Variants in NRCAM observed in about 807,000 individuals in gnomAD.
NRCAM encodes neuronal cell adhesion molecule.
Under a neutral mutation model 156.5 loss-of-function variants are expected in NRCAM, and 83 were observed. The ratio of observed to expected loss-of-function variants is 0.53; its 90% CI spans 0.44 to 0.64. The LOEUF (loss-of-function observed/expected upper bound fraction) is 0.64, where lower values mean the gene tolerates loss of function less well. Among genes scored for constraint, NRCAM ranks in the 30% least tolerant of loss-of-function variants. The pLI, the probability that NRCAM is intolerant of heterozygous loss-of-function variation, is 0.00. For missense variants in NRCAM, 1,417 were observed against 1,597.3 expected, an observed-to-expected ratio of 0.89 and a Z score of 1.92; for synonymous variants, 538 against 563.9, an observed-to-expected ratio of 0.95 and a Z score of 0.65.
At chr7:108,232,235 T>C in intron 7 of NRCAM, 91 bp downstream of exon 7, 2 of 928,814 alleles carry the variant, frequency 2.2e-6, no homozygotes, top group Non-Finnish European at 3.2e-6. Context: ...TGCCACTGCT[T>C]TGTTGAATAG....
chr7:108,305,995 T>C (rs1007152488), intron 3 of NRCAM, among the ~76,000 whole-genome samples: 1 of 152,190 alleles, frequency 6.6e-6, no homozygotes, highest in African/African-American at 2.4e-5. Flanking sequence ...TAATTCAATA[T>C]TTTCCATTTT....
chr7:108,356,160 G>C (rs2099494992), intron 2 of NRCAM, among the ~76,000 whole-genome samples: 2 of 152,112 alleles, frequency 1.3e-5, no homozygotes, highest in Admixed American at 6.5e-5. Flanking sequence ...TAGTGGCCAG[G>C]CTGGTCTCGA....
rs774089913 is a variant in NRCAM, at chr7:108,182,905, C to T, written c.2320G>A (p.Glu774Lys). The part of the protein sequence containing the change: ...VITWKPLNGF[E>K]SNGPGLQYKV... ...TACTGAAGGCCTGGCCCATTAGATT[C>T]GAAACCATTCAAGGGCTACAAGGAA... is the stretch of plus-strand genomic sequence containing the variant. Residue 774 changes from glutamate (E) to lysine (K), a missense_variant, in exon 23 of 33, where the codon GAA (glutamate) becomes AAA (lysine). Physicochemically the swap from Glu to Lys is moderately conservative, Grantham distance 56. Around this residue, in one of 2 missense-constraint regions of NRCAM, gnomAD observed 1,238 missense variants for 1,336.4 expected, o/e 0.93. Coordinates refer to ENST00000379028, the MANE Select transcript of NRCAM (RefSeq NM_001037132.4). 8.7e-6 allele frequency: 14 copies of T among 1,614,136 alleles called. No homozygotes were observed. Among genetic ancestry groups the T allele is most frequent in the Admixed American group, 1.7e-5 (1 of 60,022 alleles).
At chr7:108,421,301 T>A (rs569973122) in intron 1 of NRCAM, among the ~76,000 whole-genome samples, 1 of 152,188 alleles carries the variant, frequency 6.6e-6, no homozygotes, top group Non-Finnish European at 1.5e-5. Flanking sequence ...TTTAGCTAAT[T>A]TGCAAAAACT....
At chr7:108,381,549 A>ATTTTTTT (rs34858873) in intron 2 of NRCAM, among the ~76,000 whole-genome samples, 1 of 134,160 alleles carries the variant, frequency 7.5e-6, no homozygotes. Context: ...GGCTTTGACC[A>ATTTTTTT]TTTTTTTTTT....
At chr7:108,440,392 T>C (rs2154480430) in intron 1 of NRCAM, among the ~76,000 whole-genome samples, 1 of 152,268 alleles carries the variant, frequency 6.6e-6, no homozygotes, top group East Asian at 1.9e-4. Context: ...TTTCATTAAA[T>C]GAATTAAGCC....
At chr7:108,153,113 T>C (rs1387302327) in intron 32 of NRCAM, among the ~76,000 whole-genome samples, 2 of 152,138 alleles carry the variant, frequency 1.3e-5, no homozygotes, top group South Asian at 2.1e-4. Flanking sequence ...TAGTATAACA[T>C]TGATATCCAA....
At chr7:108,209,306 T>C in intron 12 of NRCAM, 115 bp downstream of exon 12, 2 of 704,342 alleles carry the variant, frequency 2.8e-6, no homozygotes, top group East Asian at 3.0e-5. Context: ...CAAGGTACCA[T>C]GAATGTTGAC....
intron 2 of NRCAM, among the ~76,000 whole-genome samples, chr7:108,323,869 T>A (rs2099032772): frequency 6.6e-6 from 1 of 152,024 alleles, no homozygotes; most frequent in African/African-American, 2.4e-5. Context: ...CCAAAGAGAT[T>A]TGAGGGCTGT....
intron 3 of NRCAM, among the ~76,000 whole-genome samples, chr7:108,307,957 G>A (rs1029392266): frequency 2.0e-5 from 3 of 152,208 alleles, no homozygotes; most frequent in Non-Finnish European, 4.4e-5. Context: ...ATGTGGACCT[G>A]AACACCTGAG....
intron 22 of NRCAM, 129 bp downstream of exon 22, chr7:108,184,112 T>TTA (rs10561815): frequency 3.9e-4 from 171 of 434,088 alleles, no homozygotes; most frequent in African/African-American, 2.6e-3. Flanking sequence ...ATATGTATCT[T>TTA]TATATATATA....
chr7:108,286,797 C>T (rs1439793642), intron 3 of NRCAM, among the ~76,000 whole-genome samples: 4 of 152,198 alleles, frequency 2.6e-5, no homozygotes, highest in Non-Finnish European at 4.4e-5. Flanking sequence ...TTCCATTCCA[C>T]TTTAATGTCC....
chr7:108,252,798 T>C (rs867857098), intron 3 of NRCAM, among the ~76,000 whole-genome samples: 5 of 152,252 alleles, frequency 3.3e-5, no homozygotes, highest in African/African-American at 1.2e-4. Context: ...TACTTTGGTT[T>C]GAACTGAGAG....
intron 2 of NRCAM, among the ~76,000 whole-genome samples, chr7:108,325,881 A>G (rs1373621536): frequency 6.6e-6 from 1 of 152,078 alleles, no homozygotes; most frequent in Non-Finnish European, 1.5e-5. Context: ...TTTGGCCACT[A>G]GATGCATAGA....
At chr7:108,407,796 C>T (rs1313914701) in intron 1 of NRCAM, among the ~76,000 whole-genome samples, 1 of 152,188 alleles carries the variant, frequency 6.6e-6, no homozygotes, top group Non-Finnish European at 1.5e-5. Context: ...GATGGTTTCA[C>T]AGGTGTATGT....
At chr7:108,285,211 A>G (rs1474431500) in intron 3 of NRCAM, among the ~76,000 whole-genome samples, 2 of 151,794 alleles carry the variant, frequency 1.3e-5, no homozygotes, top group African/African-American at 4.8e-5. Context: ...TGTCTTCCAC[A>G]TGCCTGCAAG....
At chr7:108,455,999 ACCC>A (rs1856965659) in intron 1 of NRCAM, among the ~76,000 whole-genome samples, 2 of 152,092 alleles carry the variant, frequency 1.3e-5, no homozygotes, top group Non-Finnish European at 2.9e-5. Flanking sequence ...CTGTGCCTTC[ACCC>A]AAGCGCAGGT....
At chr7:108,432,777 C>G (rs1229648872) in intron 1 of NRCAM, among the ~76,000 whole-genome samples, 1 of 152,016 alleles carries the variant, frequency 6.6e-6, no homozygotes, top group Non-Finnish European at 1.5e-5. Flanking sequence ...TGGTACGCAC[C>G]TATAGTCCTA....
At chr7:108,393,307 A>T (rs1023172027) in intron 2 of NRCAM, among the ~76,000 whole-genome samples, 1 of 151,994 alleles carries the variant, frequency 6.6e-6, no homozygotes, top group Admixed American at 6.6e-5. Context: ...TTGCAGATCG[A>T]TCTCAGACTG....
Sources: gnomAD v4.1 joint callset for allele counts (sites outside exome capture counted in the v4.1 genomes callset) on GRCh38, gnomAD v4.1.1 for gene constraint, gnomAD v4.1.1 regional missense constraint, MANE v1.5 for transcripts, NCBI Gene and HGNC (gene_info 2026-07-23, HGNC 2026-07-21) for gene names.